SORL1: variants seen among roughly 807,000 people sequenced by gnomAD.
The protein encoded by SORL1 is sortilin related receptor 1.
In SORL1, 127 loss-of-function variants were observed where a neutral mutation model predicts 273.7. That is an observed-to-expected ratio of 0.46 (90% confidence interval 0.40 to 0.54). The LOEUF (loss-of-function observed/expected upper bound fraction) is 0.54. SORL1 is among the 20% of genes least tolerant of loss of function. The pLI is 0.00. For synonymous variants in SORL1, 1,031 were observed against 1,067.4 expected, an observed-to-expected ratio of 0.97 and a Z score of 0.66; for missense variants, 2,494 against 2,846.1, an observed-to-expected ratio of 0.88 and a Z score of 2.81.
chr11:121,584,229 G>C (rs1198371171), intron 26 of SORL1, among the ~76,000 whole-genome samples: 1 of 152,202 alleles, frequency 6.6e-6, no homozygotes, highest in Non-Finnish European at 1.5e-5. Context: ...ACCAAATTGG[G>C]TTTCCAAGGG....
At chr11:121,512,544 C>G (rs1001919163) in intron 6 of SORL1, among the ~76,000 whole-genome samples, 1 of 152,182 alleles carries the variant, frequency 6.6e-6, no homozygotes, top group Non-Finnish European at 1.5e-5. Context: ...ACTGGAGCAT[C>G]CTTGTAATCT....
intron 5 of SORL1, among the ~76,000 whole-genome samples, chr11:121,493,350 G>A (rs554093826): frequency 2.0e-5 from 3 of 152,072 alleles, no homozygotes; most frequent in African/African-American, 7.2e-5. Context: ...TCTGCCTCCC[G>A]GATTCAAGTG....
intron 11 of SORL1, among the ~76,000 whole-genome samples, chr11:121,527,172 T>C (rs1342991163): frequency 6.9e-6 from 1 of 145,062 alleles, no homozygotes; most frequent in Non-Finnish European, 1.5e-5. Flanking sequence ...TTTGGGAAGC[T>C]CCCTATTATC....
Position 121,627,692 on chromosome 11 carries a change from A to C in SORL1, c.6502A>C (p.Ser2168Arg). 1 of 1,614,190 alleles carries C rather than the reference A, an allele frequency of 6.2e-7. No individual in the cohort carries two copies. Among genetic ancestry groups the C allele is most frequent in the Non-Finnish European group, 8.5e-7 (1 of 1,180,036 alleles). ...LYTKHRRLQS[S>R]FTAFANSHYS... ...CACGAAGCACCGGAGGCTGCAGAGCAGCTTCACCGCCTTCGCCAACAGCCA... is the reference window on the plus strand; with the variant it reads ...CACGAAGCACCGGAGGCTGCAGAGCCGCTTCACCGCCTTCGCCAACAGCCA... Residue 2168 changes from serine to arginine, a missense_variant, in exon 47 of 48, where the codon AGC becomes CGC. By Grantham distance (110) the Ser-to-Arg change is moderately radical. Around this residue, in one of 3 missense-constraint regions of SORL1, gnomAD observed 1,609 missense variants for 1,816.4 expected, o/e 0.89. Transcript: ENST00000260197. This position sits in a 1 kb window ranked among gnomAD's most constrained non-coding sequence, Gnocchi z 4.9.
At chr11:121,604,664 G>A (rs917042220) in intron 33 of SORL1, among the ~76,000 whole-genome samples, 4 of 152,060 alleles carry the variant, frequency 2.6e-5, no homozygotes, top group African/African-American at 9.7e-5. Context: ...TCTAGTAATG[G>A]ACCCTATGAC....
intron 45 of SORL1, among the ~76,000 whole-genome samples, chr11:121,622,682 G>T (rs534257075): frequency 1.3e-5 from 2 of 152,358 alleles, no homozygotes; most frequent in African/African-American, 4.8e-5. Context: ...TGGCATCTCA[G>T]CACTCTCTTC....
At chr11:121,521,064 GA>G (rs34516204) in intron 9 of SORL1, among the ~76,000 whole-genome samples, 39,579 of 141,554 alleles carry the variant, frequency 0.28, 6,337 homozygotes, top group African/African-American at 0.45. Context: ...AAGCAACTCA[GA>G]AAAAAAAAAA....
At chr11:121,614,406 T>G (rs1863610499) in intron 40 of SORL1, 1 of 157,294 alleles carries the variant, frequency 6.4e-6, no homozygotes, top group South Asian at 1.8e-4. Context: ...CAACCTTTAG[T>G]GCCTGCACAG....
intron 11 of SORL1, among the ~76,000 whole-genome samples, chr11:121,525,588 T>C (rs1020138664): frequency 1.3e-5 from 2 of 152,242 alleles, no homozygotes; most frequent in Non-Finnish European, 2.9e-5. Context: ...TTGCCAACAC[T>C]TGGTATGATT....
chr11:121,519,040 C>G (rs1017735107), intron 8 of SORL1, among the ~76,000 whole-genome samples: 2 of 151,346 alleles, frequency 1.3e-5, no homozygotes, highest in Non-Finnish European at 2.9e-5. Flanking sequence ...CTCCGCCTCC[C>G]GGGTTCAAGC....
intron 21 of SORL1, among the ~76,000 whole-genome samples, chr11:121,561,063 C>T (rs1479367739): frequency 6.6e-6 from 1 of 152,222 alleles, no homozygotes; most frequent in Non-Finnish European, 1.5e-5. Context: ...ACTGATCTGA[C>T]TTGCTAGCTA....
intron 5 of SORL1, among the ~76,000 whole-genome samples, chr11:121,490,740 CAA>C (rs5795272): frequency 2.5e-5 from 3 of 118,856 alleles, no homozygotes; most frequent in Admixed American, 9.1e-5. Flanking sequence ...GACTCTGTCT[CAA>C]AAAAAAAAAA....
At position 121,619,924 on chromosome 11, in the gene SORL1, G is replaced by A; in HGVS notation, c.5889+7G>A. ...CTCTCCTGACCAGGACTTGGTGAGT[G>A]GGTTGGGCTTCCAGGCCTCTTTGTT... On this transcript the variant is annotated splice_region_variant and intron_variant, in intron 43 of 47. Transcript: ENST00000260197. The A allele has an allele frequency of 6.2e-7, 1 of 1,611,776 alleles. No homozygotes were observed. The highest frequency in any genetic ancestry group is 8.5e-7 in the Non-Finnish European group (1 of 1,178,436).
chr11:121,587,987 C>T, intron 27 of SORL1, 33 bp from the exon 28 acceptor site: 1 of 1,610,542 alleles, frequency 6.2e-7, no homozygotes, highest in Non-Finnish European at 8.5e-7. Flanking sequence ...CCGCAGTGCT[C>T]ATGGCCTCTT....
At chr11:121,564,630 G>A (rs1002951069) in intron 21 of SORL1, among the ~76,000 whole-genome samples, 1 of 152,082 alleles carries the variant, frequency 6.6e-6, no homozygotes, top group African/African-American at 2.4e-5. Flanking sequence ...AGGCTGGAGT[G>A]CAGTGGCGCC....
At chr11:121,564,916 C>T (rs1388997025) in intron 21 of SORL1, among the ~76,000 whole-genome samples, 1 of 152,168 alleles carries the variant, frequency 6.6e-6, no homozygotes, top group Non-Finnish European at 1.5e-5. Context: ...CATTATTGTT[C>T]AGGATCTTGG....
intron 1 of SORL1, among the ~76,000 whole-genome samples, chr11:121,469,611 G>A (rs1313573242): frequency 1.3e-5 from 2 of 152,168 alleles, no homozygotes; most frequent in East Asian, 1.9e-4. Flanking sequence ...GATCTTTCTG[G>A]CCTATGAATT....
chr11:121,605,320 C>T (rs1406309244), intron 34 of SORL1, 81 bp downstream of exon 34: 1 of 1,571,796 alleles, frequency 6.4e-7, no homozygotes, highest in Admixed American at 1.7e-5. Flanking sequence ...TAGTGGCATG[C>T]ACCATGCTAT....
chr11:121,529,546 G>A (rs1251413655), intron 11 of SORL1, among the ~76,000 whole-genome samples: 1 of 151,946 alleles, frequency 6.6e-6, no homozygotes, highest in Admixed American at 6.6e-5. Context: ...ACATCCATTC[G>A]CTTTCAACCT....
Sources: gnomAD v4.1 joint callset for allele counts (sites outside exome capture counted in the v4.1 genomes callset) on GRCh38, gnomAD v4.1.1 for gene constraint, gnomAD v4.1.1 regional missense constraint, Gnocchi (gnomAD v3.1) non-coding constraint, MANE v1.5 for transcripts, NCBI Gene and HGNC (gene_info 2026-07-23, HGNC 2026-07-21) for gene names.